SPOP: variants seen among roughly 807,000 people sequenced by gnomAD.
SPOP encodes the protein speckle-type POZ protein.
SPOP carries 11 observed loss-of-function variants against 45.6 expected under a neutral mutation model. That is an observed-to-expected ratio of 0.24 (90% confidence interval 0.15 to 0.40). SPOP has a LOEUF of 0.40. Ranked by LOEUF, SPOP falls within the 10% of genes least tolerant of loss-of-function variation. SPOP has a pLI of 1.00. For synonymous variants in SPOP, 166 were observed against 166.3 expected (o/e 1.00, Z 0.01); for missense variants, 152 against 465.6 (o/e 0.33, Z 6.20).
chr17:49,622,768 T>A lies in SPOP; in HGVS notation c.43A>T (p.Ser15Cys). ...CACCAACTCTCAGCTACGGGGCCAC[T>A]CGACATTTCTGCCGGAGGTGGAGGA... ...PSPPPPAEMS[S>C]GPVAESWCYT... The change falls in exon 2 of 10, where the codon AGT (serine) becomes TGT (cysteine). Residue 15 changes from serine (S) to cysteine (C), a missense_variant. This residue lies in a region of SPOP where 18 missense variants were observed against 33.6 expected (regional missense o/e 0.54). Coordinates refer to ENST00000504102, the MANE Select transcript of SPOP (RefSeq NM_001007228.2). 6.2e-7 allele frequency: 1 copy of A among 1,614,156 alleles called. No individual in the cohort carries two copies. Among genetic ancestry groups the A allele is most frequent in the Non-Finnish European group, 8.5e-7 (1 of 1,180,024 alleles).
intron 3 of SPOP, among the ~76,000 whole-genome samples, chr17:49,621,724 C>T (rs2072224991): frequency 1.3e-5 from 2 of 152,218 alleles, no homozygotes; most frequent in Admixed American, 1.3e-4. Flanking sequence ...TACCCTATAG[C>T]TTGAGTTTGC....
chr17:49,599,270 G>T lies in SPOP; in HGVS notation c.*1108C>A. 4.6e-6 allele frequency: 1 copy of T among 219,242 alleles called. No homozygotes were observed. The highest frequency in any genetic ancestry group is 2.3e-5 in the African/African-American group (1 of 44,236). 13.6% of individuals were successfully genotyped at this position (219,242 alleles called of 1,614,324 possible). On this transcript the variant is annotated 3_prime_UTR_variant, in exon 10 of 10. Coordinates refer to ENST00000504102, the MANE Select transcript of SPOP (RefSeq NM_001007228.2). The stretch of plus-strand genomic sequence containing the variant: ...GGCAGGTGAGTGAAACAAAAGACCA[G>T]AGATACCACACAGTACAAAATAGTA...
Position 49,626,388 on chromosome 17 carries a change from G to A in SPOP, c.-66-3512C>T, listed in dbSNP as rs186741570. Among the ~76,000 whole-genome samples the A allele has an allele frequency of 1.4e-3, 214 of 152,160 alleles. 2 individuals carry two copies. The highest frequency in any genetic ancestry group is 4.7e-3 in the African/African-American group (194 of 41,518). ...TGGAATCTGCCTCAAATCCTCTGCAGAAAGAGGTATAACAAGTAACAACAG... is the reference window on the plus strand; with the variant it reads ...TGGAATCTGCCTCAAATCCTCTGCAAAAAGAGGTATAACAAGTAACAACAG... On this transcript the variant is annotated intron_variant, in intron 1 of 9. Coordinates refer to ENST00000504102, the MANE Select transcript of SPOP (RefSeq NM_001007228.2).
At chr17:49,669,068 G>A (rs560634354) in intron 1 of SPOP, among the ~76,000 whole-genome samples, 6 of 76,116 alleles carry the variant, frequency 7.9e-5, no homozygotes, top group South Asian at 6.5e-4. Context: ...GAGCCACCGC[G>A]CCCGGCCTTT....
chr17:49,660,367 T>C (rs1230060), intron 1 of SPOP, among the ~76,000 whole-genome samples: 124,145 of 152,212 alleles, frequency 0.82, 51,409 homozygotes, highest in East Asian at 1. Context: ...GTTAGTGAGG[T>C]CTTCCCTGGC....
chr17:49,624,232 C>A (rs1465743738), intron 1 of SPOP, among the ~76,000 whole-genome samples: 1 of 151,612 alleles, frequency 6.6e-6, no homozygotes. Flanking sequence ...AACATGAGGG[C>A]TATACTTAAT....
rs558758042 is a variant in SPOP at position 49,667,476 on chromosome 17, C to A, written c.-67+10457G>T. 1.5e-4 allele frequency among the ~76,000 whole-genome samples: 23 copies of A among 152,138 alleles called. No homozygotes were observed. The South Asian group carries it at 4.8e-3, about 32-fold the overall frequency. The stretch of plus-strand genomic sequence containing the variant: ...TGGTGGCATGCGCCTGTCATCTCAG[C>A]CACTTGGGAGGCTGAGGCAGGAGAA... On this transcript the variant is annotated intron_variant, in intron 1 of 9. Coordinates refer to ENST00000504102, the MANE Select transcript of SPOP (RefSeq NM_001007228.2).
intron 1 of SPOP, among the ~76,000 whole-genome samples, chr17:49,643,653 A>G (rs2676795): frequency 0.72 from 109,547 of 152,076 alleles, 40,131 homozygotes; most frequent in East Asian, 1. Flanking sequence ...GAAGAAGGCC[A>G]GGTGTGGTGG....
chr17:49,606,249 GCTCAAGTGATCCTCCCAC>G (rs1341728015), intron 8 of SPOP, among the ~76,000 whole-genome samples: 2 of 152,130 alleles, frequency 1.3e-5, no homozygotes, highest in African/African-American at 4.8e-5. Flanking sequence ...AACCTCCTGG[GCTCAAGTGATCCTCCCAC>G]CTCAGCTTCT....
chr17:49,649,766 T>C (rs2072816017), intron 1 of SPOP, among the ~76,000 whole-genome samples: 1 of 151,312 alleles, frequency 6.6e-6, no homozygotes, highest in Admixed American at 6.6e-5. Context: ...GAGGAGGAGC[T>C]TGCAGTGAGC....
chr17:49,601,432 ATTTC>A (rs1364561109), intron 9 of SPOP: 1 of 154,134 alleles, frequency 6.5e-6, no homozygotes, highest in Admixed American at 6.4e-5. Context: ...TGGAATGAAC[ATTTC>A]TTTCTCAAAA....
chr17:49,615,846 C>T (rs933571382), intron 5 of SPOP, among the ~76,000 whole-genome samples: 1 of 152,082 alleles, frequency 6.6e-6, no homozygotes, highest in African/African-American at 2.4e-5. Context: ...GTTTGCTGCA[C>T]AATGTTAGGA....
In SPOP at chr17:49,622,763, G is replaced by A. The variant is rs747676565; in HGVS notation, c.48C>T (p.Gly16=). 1 of 1,614,140 alleles carries A rather than the reference G, an allele frequency of 6.2e-7. No homozygotes were observed. Among genetic ancestry groups the A allele is most frequent in the Non-Finnish European group, 8.5e-7 (1 of 1,179,998 alleles). The change falls in exon 2 of 10, where the codon GGC becomes GGT. Residue 16 remains glycine (G), a synonymous_variant. Transcript: ENST00000504102. ...TGTAGCACCAACTCTCAGCTACGGG[G>A]CCACTCGACATTTCTGCCGGAGGTG... The part of the protein sequence containing the change: ...SPPPPAEMSS[G]PVAESWCYTQ...
At position 49,599,504 on chromosome 17, in the gene SPOP, G is replaced by GT. The variant is rs1316656577; in HGVS notation, c.*873dup. ...TTCTTTTGTTCTGTTTTTGTTTTGT[G>GT]TGTTTTTTTTTTTGTTTGTTTTTTA... On this transcript the variant is annotated 3_prime_UTR_variant, in exon 10 of 10. Coordinates refer to ENST00000504102, the MANE Select transcript of SPOP (RefSeq NM_001007228.2). 9 of 157,068 alleles carry GT rather than the reference G, an allele frequency of 5.7e-5. No individual in the cohort carries two copies. The Middle Eastern group carries it at 7.4e-3, about 128-fold the overall frequency. 9.7% of individuals were successfully genotyped at this position (157,068 alleles called of 1,614,324 possible).
chr17:49,601,353 T>G (rs2071736437), intron 9 of SPOP: 1 of 152,356 alleles, frequency 6.6e-6, no homozygotes, highest in South Asian at 2.1e-4. Context: ...TTATTATTAT[T>G]CCATATTATT....
In SPOP at chr17:49,619,449, G is replaced by C. The variant is rs2072171775; in HGVS notation, c.201-64C>G. 3.3e-6 allele frequency: 5 copies of C among 1,525,288 alleles called. No individual in the cohort carries two copies. The highest frequency in any genetic ancestry group is 1.4e-5 in the African/African-American group (1 of 71,780). The allele number at this position is 1,525,288 out of a possible 1,614,324, so 94.5% of individuals were successfully genotyped here. A position where few individuals can be genotyped will look rare whatever the true frequency, so the allele number is the denominator to read the frequency against. The stretch of plus-strand genomic sequence containing the variant: ...TCCATTTTGATAGAACTGGAAATCA[G>C]ACTCAAGAGAGGGAGATGTTTAAAA... On this transcript the variant is annotated intron_variant, in intron 3 of 9. Coordinates refer to ENST00000504102, the MANE Select transcript of SPOP (RefSeq NM_001007228.2). This position sits in a 1 kb window ranked among gnomAD's most constrained non-coding sequence, Gnocchi z 4.9.
At chr17:49,632,014 C>T (rs1026553869) in intron 1 of SPOP, among the ~76,000 whole-genome samples, 6 of 152,110 alleles carry the variant, frequency 3.9e-5, no homozygotes, top group East Asian at 1.9e-4. Flanking sequence ...TTAAGCTCAA[C>T]GAGAATAGTA....
At chr17:49,645,051 T>A (rs1052103304) in intron 1 of SPOP, among the ~76,000 whole-genome samples, 2 of 152,190 alleles carry the variant, frequency 1.3e-5, no homozygotes, top group African/African-American at 4.8e-5. Flanking sequence ...AAAGATTGCT[T>A]AATGACTTGT....
intron 1 of SPOP, among the ~76,000 whole-genome samples, chr17:49,624,041 G>A (rs1413745251): frequency 6.6e-6 from 1 of 151,804 alleles, no homozygotes; most frequent in African/African-American, 2.4e-5. Flanking sequence ...ATCTCAATGG[G>A]GTGTCTCAGT....
Sources: gnomAD v4.1 joint callset for allele counts (sites outside exome capture counted in the v4.1 genomes callset) on GRCh38, gnomAD v4.1.1 for gene constraint, gnomAD v4.1.1 regional missense constraint, Gnocchi (gnomAD v3.1) non-coding constraint, MANE v1.5 for transcripts, NCBI Gene and HGNC (gene_info 2026-07-23, HGNC 2026-07-21) for gene names.